The following PROS1 variants were observed in gnomAD, a reference collection of about 807,000 sequenced individuals.
PROS1 encodes the protein protein S.
In PROS1, 29 loss-of-function variants were observed where a neutral mutation model predicts 75.9. That is an observed-to-expected ratio of 0.38 (90% CI 0.28 to 0.52). The LOEUF (loss-of-function observed/expected upper bound fraction) is 0.52. PROS1 is among the 20% of genes least tolerant of loss of function. The pLI is 0.83. For synonymous variants in PROS1, 245 were observed against 280.6 expected, an observed-to-expected ratio of 0.87 and a Z score of 1.27; for missense variants, 680 against 810.3, an observed-to-expected ratio of 0.84 and a Z score of 1.95.
intron 4 of PROS1, among the ~76,000 whole-genome samples, chr3:93,907,629 C>T (rs1245588138): frequency 6.6e-6 from 1 of 152,200 alleles, no homozygotes; most frequent in Non-Finnish European, 1.5e-5. Context: ...TCACCCTCCA[C>T]TTTTCTGCAT....
At chr3:93,926,215 G>A (rs1311605909) in intron 2 of PROS1, among the ~76,000 whole-genome samples, 1 of 152,046 alleles carries the variant, frequency 6.6e-6, no homozygotes. Flanking sequence ...TTATTAAAGG[G>A]GTGGGGGAGT....
intron 1 of PROS1, among the ~76,000 whole-genome samples, chr3:93,937,192 A>G (rs1385108134): frequency 6.6e-6 from 1 of 152,146 alleles, no homozygotes; most frequent in Non-Finnish European, 1.5e-5. Context: ...AGGGCTCACA[A>G]GACTAAAGAT....
intron 1 of PROS1, among the ~76,000 whole-genome samples, chr3:93,961,970 C>A (rs1331468990): frequency 6.6e-6 from 1 of 152,160 alleles, no homozygotes; most frequent in Non-Finnish European, 1.5e-5. Flanking sequence ...ATCATCCCCA[C>A]TCTCCCCCAA....
At chr3:93,964,186 G>C (rs924693019) in intron 1 of PROS1, among the ~76,000 whole-genome samples, 1 of 152,132 alleles carries the variant, frequency 6.6e-6, no homozygotes, top group Non-Finnish European at 1.5e-5. Flanking sequence ...AGTGCACCTT[G>C]AAAAAGAACA....
intron 3 of PROS1, among the ~76,000 whole-genome samples, chr3:93,914,146 A>C (rs1294039212): frequency 6.6e-6 from 1 of 152,052 alleles, no homozygotes; most frequent in Non-Finnish European, 1.5e-5. Flanking sequence ...GCTCTCCCAG[A>C]CAGAAGTTGC....
Position 93,893,268 on chromosome 3 carries a change from G to A in PROS1, c.966-146C>T, listed in dbSNP as rs1381044599. On this transcript the variant is annotated intron_variant, in intron 9 of 14. Coordinates refer to ENST00000394236, the MANE Select transcript of PROS1 (RefSeq NM_000313.4). The stretch of plus-strand genomic sequence containing the variant: ...TTTCTGGAATTAATAAAAGAGAAGG[G>A]CAGAATTAGACTGCTCATGTATTAT... 1.7e-5 allele frequency: 13 copies of A among 763,770 alleles called. No individual in the cohort carries two copies. The East Asian group carries it at 2.2e-4, about 13-fold the overall frequency. The allele number at this position is 763,770 out of a possible 1,614,324, so 47.3% of individuals were successfully genotyped here.
intron 13 of PROS1, among the ~76,000 whole-genome samples, chr3:93,878,338 A>G (rs1374921281): frequency 1.3e-5 from 2 of 152,222 alleles, no homozygotes; most frequent in African/African-American, 4.8e-5. Context: ...ACTTATGGTT[A>G]ACCACCAGAA....
rs1036589002 is a variant in PROS1 at position 93,910,539 on chromosome 3, C to T, written c.346+80G>A. The T allele has an allele frequency of 2.7e-5, 32 of 1,167,136 alleles. 1 individual carries two copies. The highest frequency in any genetic ancestry group is 2.0e-4 in the African/African-American group (13 of 65,346). The allele number at this position is 1,167,136 out of a possible 1,614,324, so 72.3% of individuals were successfully genotyped here. On this transcript the variant is annotated intron_variant, in intron 4 of 14. Coordinates refer to ENST00000394236, the MANE Select transcript of PROS1 (RefSeq NM_000313.4). ...AAAGGATCATTTCTCAATTTTTAAA[C>T]GTTAGTTTATATTACCATGGGTGTA...
At chr3:93,965,695 T>C (rs571317450) in intron 1 of PROS1, among the ~76,000 whole-genome samples, 10 of 152,202 alleles carry the variant, frequency 6.6e-5, no homozygotes, top group African/African-American at 2.4e-4. Context: ...ACTTTTCTTT[T>C]CTTTTCTATT....
chr3:93,944,724 C>A (rs1236374636), intron 1 of PROS1, among the ~76,000 whole-genome samples: 1 of 152,006 alleles, frequency 6.6e-6, no homozygotes, highest in Non-Finnish European at 1.5e-5. Flanking sequence ...AAAATTGACA[C>A]CCTAACATCA....
At chr3:93,880,832 C>T (rs1167246415) in intron 12 of PROS1, among the ~76,000 whole-genome samples, 1 of 152,050 alleles carries the variant, frequency 6.6e-6, no homozygotes, top group Non-Finnish European at 1.5e-5. Flanking sequence ...TTTTTAGATA[C>T]AATATAACTC....
chr3:93,936,695 A>G (rs563677934), intron 1 of PROS1, among the ~76,000 whole-genome samples: 6 of 152,148 alleles, frequency 3.9e-5, no homozygotes, highest in African/African-American at 1.4e-4. Context: ...TAAGCCATGA[A>G]CTCTGTGTTG....
intron 6 of PROS1, among the ~76,000 whole-genome samples, chr3:93,904,353 TCAAA>T (rs1298957958): frequency 6.6e-6 from 1 of 152,190 alleles, no homozygotes; most frequent in East Asian, 1.9e-4. Flanking sequence ...AAATCCAAAC[TCAAA>T]CAGACCTTCA....
intron 4 of PROS1, among the ~76,000 whole-genome samples, chr3:93,909,122 G>A (rs186839398): frequency 6.6e-6 from 1 of 152,250 alleles, no homozygotes; most frequent in African/African-American, 2.4e-5. Context: ...AATATTACCA[G>A]AGAAAAAGAG....
chr3:93,886,545 T>C (rs746383059), intron 10 of PROS1, 42 bp from the exon 11 acceptor site: 5 of 1,445,546 alleles, frequency 3.5e-6, no homozygotes, highest in Non-Finnish European at 4.9e-6. Flanking sequence ...CAAGTATTAC[T>C]ACATGTCATT....
chr3:93,954,524 T>A (rs536302403), intron 1 of PROS1, among the ~76,000 whole-genome samples: 1 of 152,320 alleles, frequency 6.6e-6, no homozygotes, highest in Non-Finnish European at 1.5e-5. Flanking sequence ...GCTAGCCATA[T>A]GTAGAAAGCT....
intron 10 of PROS1, among the ~76,000 whole-genome samples, chr3:93,889,749 C>G (rs912439250): frequency 6.6e-6 from 1 of 152,174 alleles, no homozygotes; most frequent in Non-Finnish European, 1.5e-5. Flanking sequence ...TTACTTTAAT[C>G]TCTTAATCCT....
At chr3:93,887,473 T>A (rs1708366382) in intron 10 of PROS1, among the ~76,000 whole-genome samples, 1 of 152,098 alleles carries the variant, frequency 6.6e-6, no homozygotes, top group Non-Finnish European at 1.5e-5. Context: ...CAAGTAAAAC[T>A]ATAGCACTCA....
At chr3:93,939,021 C>G (rs748330095) in intron 1 of PROS1, among the ~76,000 whole-genome samples, 3 of 151,592 alleles carry the variant, frequency 2.0e-5, no homozygotes, top group African/African-American at 7.3e-5. Flanking sequence ...AACCTTCCAC[C>G]CTCTATTCCC....
Sources: allele counts gnomAD v4.1 joint callset (sites outside exome capture counted in the v4.1 genomes callset), GRCh38; gene constraint gnomAD v4.1.1; transcripts MANE v1.5; gene names NCBI Gene and HGNC (gene_info 2026-07-23, HGNC 2026-07-21).